The following NKD1 variants were observed in gnomAD, a reference collection of about 807,000 sequenced individuals.
NKD1 encodes the protein NKD inhibitor of Wnt signaling pathway 1.
NKD1 carries 21 observed loss-of-function variants against 56.0 expected under a neutral mutation model. The observed-to-expected ratio is 0.38, with a 90% CI of 0.27 to 0.54. The LOEUF is 0.54. Ranked by LOEUF, NKD1 falls within the 20% of genes least tolerant of loss-of-function variation. The probability of loss-of-function intolerance (pLI) is 0.82; values close to 1 mark genes in which losing one functional copy is unlikely to be tolerated. For synonymous variants in NKD1, 263 were observed against 265.7 expected (o/e 0.99, Z 0.10); for missense variants, 578 against 642.7 (o/e 0.90, Z 1.09).
chr16:50,633,488 G>T lies in NKD1; in HGVS notation c.1120G>T (p.Ala374Ser). The part of the protein sequence containing the change: ...GARNKPPLGP[A>S]IPAVSPSAHL... ...AAGAAACAAGCCCCCTCTGGGACCC[G>T]CCATCCCTGCGGTGTCCCCCTCCGC... is the stretch of plus-strand genomic sequence containing the variant. The change falls in exon 10 of 10, where the codon GCC (alanine) becomes TCC (serine). Residue 374 changes from alanine to serine, a missense_variant. Physicochemically the swap from Ala to Ser is moderately conservative, Grantham distance 99. Transcript: ENST00000268459. This position sits in a 1 kb window ranked among gnomAD's most constrained non-coding sequence, Gnocchi z 4.9. 6.2e-7 allele frequency: 1 copy of T among 1,608,958 alleles called. No homozygotes were observed. The highest frequency in any genetic ancestry group is 8.5e-7 in the Non-Finnish European group (1 of 1,177,784).
intron 3 of NKD1, among the ~76,000 whole-genome samples, chr16:50,567,181 C>T (rs897625086): frequency 3.3e-5 from 5 of 152,070 alleles, no homozygotes; most frequent in African/African-American, 9.7e-5. Flanking sequence ...AACAGAATGC[C>T]CACCGTTTGG....
Position 50,633,637 on chromosome 16 carries a change from T to A in NKD1, c.1269T>A (p.Gly423=). ...GCCTGCAGGCACCACTGGCCTCAGG[T>A]GGCCCTGTCCTGGGGCGGGAGCACC... The part of the protein sequence containing the change: ...CRGLQAPLAS[G]GPVLGREHLR... Residue 423 remains glycine, a synonymous_variant, in exon 10 of 10, where the codon GGT becomes GGA. Coordinates refer to ENST00000268459, the MANE Select transcript of NKD1 (RefSeq NM_033119.5). This position sits in a 1 kb window ranked among gnomAD's most constrained non-coding sequence, Gnocchi z 4.9. The A allele has an allele frequency of 1.2e-6, 2 of 1,608,274 alleles. No homozygotes were observed. Among genetic ancestry groups the A allele is most frequent in the Non-Finnish European group, 1.7e-6 (2 of 1,177,992 alleles).
At chr16:50,618,980 A>G (rs1393322301) in intron 4 of NKD1, among the ~76,000 whole-genome samples, 1 of 152,152 alleles carries the variant, frequency 6.6e-6, no homozygotes, top group Non-Finnish European at 1.5e-5. Flanking sequence ...CCAGAGGAGG[A>G]GAGAGCAGGG....
chr16:50,563,861 CCT>C (rs1183330018), intron 3 of NKD1, among the ~76,000 whole-genome samples: 5 of 144,348 alleles, frequency 3.5e-5, no homozygotes, highest in Non-Finnish European at 7.5e-5. Context: ...TGGAGAAGAC[CCT>C]GTGTGTCAGG....
In NKD1 at chr16:50,649,106, C is replaced by T. The variant is rs183571583; in HGVS notation, c.*15325C>T. On this transcript the variant is annotated 3_prime_UTR_variant, in exon 10 of 10. Coordinates refer to ENST00000268459, the MANE Select transcript of NKD1 (RefSeq NM_033119.5). ...AACCTGTTGGATTTTCTCCAGAATCCCTGGGCCACTTTTAGCAGTCAGATT... is the reference window on the plus strand; with the variant it reads ...AACCTGTTGGATTTTCTCCAGAATCTCTGGGCCACTTTTAGCAGTCAGATT... 3.3e-4 allele frequency: 50 copies of T among 152,252 alleles called. No individual in the cohort carries two copies. Among genetic ancestry groups the T allele is most frequent in the African/African-American group, 1.2e-3 (48 of 41,548 alleles). The allele number at this position is 152,252 out of a possible 1,614,324, so 9.4% of individuals were successfully genotyped here.
rs1331481122 is a variant in NKD1 at position 50,645,845 on chromosome 16, GAC to G, written c.*12066_*12067del. ...AAGTTGGCAAGAAAGAAAGGGCAAA[GAC>G]AGAGAGACTGGGAGAGAAAGAGGCC... On this transcript the variant is annotated 3_prime_UTR_variant, in exon 10 of 10. Coordinates refer to ENST00000268459, the MANE Select transcript of NKD1 (RefSeq NM_033119.5). 2 of 152,324 alleles carry G rather than the reference GAC, an allele frequency of 1.3e-5. No individual in the cohort carries two copies. Among genetic ancestry groups the G allele is most frequent in the Middle Eastern group, 3.4e-3 (1 of 294 alleles). The allele number at this position is 152,324 out of a possible 1,614,324, so 9.4% of individuals were successfully genotyped here. A position where few individuals can be genotyped will look rare whatever the true frequency, so the allele number is the denominator to read the frequency against.
At chr16:50,599,436 A>G (rs1426089209) in intron 3 of NKD1, among the ~76,000 whole-genome samples, 1 of 152,212 alleles carries the variant, frequency 6.6e-6, no homozygotes, top group Non-Finnish European at 1.5e-5. Context: ...GCTCAAACCC[A>G]GACCTGACTG....
At position 50,632,727 on chromosome 16, in the gene NKD1, C is replaced by T. The variant is rs1204990764; in HGVS notation, c.823+319C>T. 6.6e-6 allele frequency among the ~76,000 whole-genome samples: 1 copy of T among 152,152 alleles called. No homozygotes were observed. Among genetic ancestry groups the T allele is most frequent in the Non-Finnish European group, 1.5e-5 (1 of 68,018 alleles). ...TTTGACCTCTCCTGGCTGTTTCTTCCAGCAAGAACCTCGGTTTCCCTAAGT... is the reference window on the plus strand; with the variant it reads ...TTTGACCTCTCCTGGCTGTTTCTTCTAGCAAGAACCTCGGTTTCCCTAAGT... On this transcript the variant is annotated intron_variant, in intron 9 of 9. Coordinates refer to ENST00000268459, the MANE Select transcript of NKD1 (RefSeq NM_033119.5). The surrounding 1 kb of genome is among the most constrained non-coding windows in gnomAD (Gnocchi z 4.1).
chr16:50,567,991 GA>G (rs1333536457), intron 3 of NKD1, among the ~76,000 whole-genome samples: 1 of 152,262 alleles, frequency 6.6e-6, no homozygotes, highest in Non-Finnish European at 1.5e-5. Context: ...TTACTGGGCA[GA>G]AGATTGCTTT....
chr16:50,626,713 C>T (rs1962224371), intron 6 of NKD1, among the ~76,000 whole-genome samples: 1 of 152,230 alleles, frequency 6.6e-6, no homozygotes, highest in Non-Finnish European at 1.5e-5. Flanking sequence ...TCCTTCCTTA[C>T]ACTTCCTCAT....
rs186898635 is a variant in NKD1 at position 50,581,674 on chromosome 16, T to C, written c.193-26620T>C. ...GGCTAAACAGCAAGTGTCTGCTATC[T>C]GTGGTGGATTTGAGGCCCTGAGTAC... is the stretch of plus-strand genomic sequence containing the variant. On this transcript the variant is annotated intron_variant, in intron 3 of 9. Coordinates refer to ENST00000268459, the MANE Select transcript of NKD1 (RefSeq NM_033119.5). Among the ~76,000 whole-genome samples the C allele has an allele frequency of 4.8e-3, 726 of 152,342 alleles. 3 individuals are homozygous for C. The highest frequency in any genetic ancestry group is 8.7e-3 in the Non-Finnish European group (589 of 68,020).
In NKD1 at chr16:50,571,592, TG is replaced by T. The variant is rs570075594; in HGVS notation, c.192+22043del. ...TCATCTGTTGCTCAGAGAGGCATCC[TG>T]GGGGGTCATTCCTAACTCCTCCCCT... On this transcript the variant is annotated intron_variant, in intron 3 of 9. Transcript: ENST00000268459. 7.6e-6 allele frequency: 7 copies of T among 925,646 alleles called. No individual in the cohort carries two copies. In the South Asian group the frequency reaches 1.5e-4, roughly 20 times the overall value. The allele number at this position is 925,646 out of a possible 1,614,324, so 57.3% of individuals were successfully genotyped here. A position where few individuals can be genotyped will look rare whatever the true frequency, so the allele number is the denominator to read the frequency against.
At chr16:50,618,592 A>C (rs1026584744) in intron 4 of NKD1, among the ~76,000 whole-genome samples, 2 of 152,122 alleles carry the variant, frequency 1.3e-5, no homozygotes, top group African/African-American at 2.4e-5. Flanking sequence ...GTTCTCTGCC[A>C]CCTCTTCTAG....
At chr16:50,606,984 C>T (rs1159273664) in intron 3 of NKD1, 1 of 456,918 alleles carries the variant, frequency 2.2e-6, no homozygotes, top group Admixed American at 2.3e-5. Flanking sequence ...TTAACACAAA[C>T]AGCCAGTTTA....
Position 50,633,082 on chromosome 16 carries a change from G to A in NKD1, c.824-110G>A, listed in dbSNP as rs1269851681. 4 of 988,894 alleles carry A rather than the reference G, an allele frequency of 4.0e-6. No individual in the cohort carries two copies. The highest frequency in any genetic ancestry group is 2.9e-5 in the East Asian group (1 of 35,028). 61.3% of individuals were successfully genotyped at this position (988,894 alleles called of 1,614,324 possible). On this transcript the variant is annotated intron_variant, in intron 9 of 9. Transcript: ENST00000268459. The surrounding 1 kb of genome is among the most constrained non-coding windows in gnomAD (Gnocchi z 4.9). ...GCAGTGAGGGGCAGTCAGGGCATTG[G>A]GGGGTAGCTCTGGTTTTGGAGAACT... is the stretch of plus-strand genomic sequence containing the variant.
chr16:50,601,546 G>A (rs539155076), intron 3 of NKD1, among the ~76,000 whole-genome samples: 3 of 152,332 alleles, frequency 2.0e-5, no homozygotes, highest in East Asian at 3.9e-4. Context: ...CCCAGTACTG[G>A]CCTCTGTCTC....
intron 3 of NKD1, among the ~76,000 whole-genome samples, chr16:50,601,734 C>T (rs1350016455): frequency 6.6e-6 from 1 of 152,176 alleles, no homozygotes; most frequent in Non-Finnish European, 1.5e-5. Flanking sequence ...AGCCAGGAGC[C>T]ACCACCAGGT....
chr16:50,633,223 G>A lies in NKD1; in HGVS notation c.855G>A (p.Leu285=). The part of the protein sequence containing the change: ...GSPSVAQKSE[L]PPRTSNPTRS... Reference sequence around the variant, plus strand: ...CTTCCGTGGCCCAGAAGTCAGAACTGCCCCCCCGCACCTCCAATCCCACTC... The same window carrying A: ...CTTCCGTGGCCCAGAAGTCAGAACTACCCCCCCGCACCTCCAATCCCACTC... Residue 285 remains leucine, a synonymous_variant, in exon 10 of 10, where the codon CTG becomes CTA. Transcript: ENST00000268459. The surrounding 1 kb of genome is among the most constrained non-coding windows in gnomAD (Gnocchi z 4.9). 6.2e-7 allele frequency: 1 copy of A among 1,610,342 alleles called. No individual in the cohort carries two copies. Among genetic ancestry groups the A allele is most frequent in the East Asian group, 2.2e-5 (1 of 44,782 alleles).
At chr16:50,582,950 T>C (rs889100150) in intron 3 of NKD1, among the ~76,000 whole-genome samples, 12 of 152,176 alleles carry the variant, frequency 7.9e-5, no homozygotes, top group African/African-American at 2.6e-4. Flanking sequence ...GAGGTTGCAG[T>C]GAGCCGAGAT....
Sources: allele counts gnomAD v4.1 joint callset (sites outside exome capture counted in the v4.1 genomes callset), GRCh38; gene constraint gnomAD v4.1.1; non-coding constraint Gnocchi (gnomAD v3.1); transcripts MANE v1.5; gene names NCBI Gene and HGNC (gene_info 2026-07-23, HGNC 2026-07-21).